MALRD1: variants seen among roughly 807,000 people sequenced by gnomAD.
MALRD1 encodes the protein MAM and LDL receptor class A domain containing 1, also known as MAM and LDL-receptor class A domain-containing protein 1.
A neutral mutation model predicts 242.1 loss-of-function variants in MALRD1; 247 were observed. That is an observed-to-expected ratio of 1.02 (90% CI 0.92 to 1.13). The LOEUF (loss-of-function observed/expected upper bound fraction) is 1.13, where lower values mean the gene tolerates loss of function less well. Ranked by LOEUF, MALRD1 falls within the 50% of genes most tolerant of loss-of-function variation. MALRD1 has a pLI of 0.00. For synonymous variants in MALRD1, 995 were observed against 866.6 expected, an observed-to-expected ratio of 1.15 and a Z score of -2.60; for missense variants, 2,989 against 2,533.1, an observed-to-expected ratio of 1.18 and a Z score of -3.86.
Position 19,091,926 on chromosome 10 carries a change from C to G in MALRD1, c.597+3741C>G, listed in dbSNP as rs1335039697. ...TGAGTGAGATTCTTAATCCTGAGTT[C>G]TAGTTTGATTGCAGTGTGGTCTGAG... On this transcript the variant is annotated intron_variant, in intron 4 of 39. Coordinates refer to ENST00000454679, the MANE Select transcript of MALRD1 (RefSeq NM_001142308.3). Among the ~76,000 whole-genome samples the G allele has an allele frequency of 2.5e-5, 2 of 80,456 alleles. 1 individual carries two copies. Among genetic ancestry groups the G allele is most frequent in the Non-Finnish European group, 4.4e-5 (2 of 45,150 alleles). 52.8% of individuals were successfully genotyped at this position (80,456 alleles called of 152,430 possible).
chr10:19,414,655 A>G (rs543313919), intron 28 of MALRD1, among the ~76,000 whole-genome samples: 1 of 152,244 alleles, frequency 6.6e-6, no homozygotes, highest in South Asian at 2.1e-4. Flanking sequence ...TTGGGAAAGG[A>G]TGTAATAGTG....
At chr10:19,531,086 T>G in intron 31 of MALRD1, 108 bp from the exon 32 acceptor site, 1 of 847,954 alleles carries the variant, frequency 1.2e-6, no homozygotes, top group Non-Finnish European at 1.7e-6. Flanking sequence ...TTCTGTTTGA[T>G]TGTGTGTATG....
intron 29 of MALRD1, among the ~76,000 whole-genome samples, chr10:19,455,286 G>A (rs1262936073): frequency 6.6e-6 from 1 of 152,060 alleles, no homozygotes; most frequent in Non-Finnish European, 1.5e-5. Flanking sequence ...TCTAAAGTTC[G>A]AAATTTAAAT....
intron 38 of MALRD1, among the ~76,000 whole-genome samples, chr10:19,705,201 G>C (rs915294424): frequency 6.6e-6 from 1 of 152,054 alleles, no homozygotes. Flanking sequence ...TGCTATCCAA[G>C]CCTGACATCC....
intron 31 of MALRD1, among the ~76,000 whole-genome samples, chr10:19,506,380 T>C (rs555727958): frequency 3.3e-5 from 5 of 152,292 alleles, no homozygotes; most frequent in African/African-American, 1.2e-4. Flanking sequence ...CATTGCTCTT[T>C]AGAGAACTGT....
chr10:19,542,198 A>G (rs1457102265), intron 32 of MALRD1, among the ~76,000 whole-genome samples: 5 of 152,194 alleles, frequency 3.3e-5, no homozygotes, highest in African/African-American at 7.2e-5. Flanking sequence ...ACCTTGAGAA[A>G]GAACCTAAAT....
chr10:19,437,802 C>T (rs920117249), intron 28 of MALRD1, among the ~76,000 whole-genome samples: 2 of 152,064 alleles, frequency 1.3e-5, no homozygotes, highest in Admixed American at 6.6e-5. Context: ...TTTGAGATAA[C>T]CTCACTTATT....
intron 5 of MALRD1, among the ~76,000 whole-genome samples, chr10:19,121,288 G>C (rs1276692968): frequency 1.3e-5 from 2 of 151,538 alleles, no homozygotes; most frequent in African/African-American, 2.4e-5. Flanking sequence ...TGATCCACCT[G>C]CTTCGGCCTC....
chr10:19,205,420 T>A (rs1253284781), intron 17 of MALRD1, among the ~76,000 whole-genome samples, 155 bp downstream of exon 17: 1 of 151,424 alleles, frequency 6.6e-6, no homozygotes, highest in South Asian at 2.1e-4. Flanking sequence ...CCATCAGTAT[T>A]TTTAAGAGGA....
intron 29 of MALRD1, among the ~76,000 whole-genome samples, chr10:19,486,462 A>C (rs909357726): frequency 6.6e-6 from 1 of 152,160 alleles, no homozygotes; most frequent in African/African-American, 2.4e-5. Flanking sequence ...TGTACTTGGA[A>C]TTTCACTAGG....
intron 21 of MALRD1, among the ~76,000 whole-genome samples, chr10:19,306,219 CATACTATATATACT>C (rs201000130): frequency 0.12 from 14,781 of 127,368 alleles, 941 homozygotes; most frequent in South Asian, 0.14. Flanking sequence ...TATACACACA[CATACTATATATACT>C]ATACTATATA....
rs534710720 is a variant in MALRD1 at position 19,153,297 on chromosome 10, C to T, written c.1559-1778C>T. 2.6e-5 allele frequency among the ~76,000 whole-genome samples: 4 copies of T among 152,224 alleles called. No individual in the cohort carries two copies. In the South Asian group the frequency reaches 8.3e-4, roughly 32 times the overall value. On this transcript the variant is annotated intron_variant, in intron 11 of 39. Coordinates refer to ENST00000454679, the MANE Select transcript of MALRD1 (RefSeq NM_001142308.3). The stretch of plus-strand genomic sequence containing the variant: ...GCTCTCTAGAGTTTTAAATTTTGTC[C>T]TATTTTCATCCATTTTATTAAAAAT...
intron 1 of MALRD1, among the ~76,000 whole-genome samples, chr10:19,050,325 G>C (rs189035606): frequency 0.016 from 2,351 of 150,750 alleles, 78 homozygotes; most frequent in African/African-American, 0.055. Context: ...CTGACCTCGT[G>C]ATCCGCCCGC....
chr10:19,207,739 T>A (rs534559573), intron 17 of MALRD1, among the ~76,000 whole-genome samples: 2 of 152,214 alleles, frequency 1.3e-5, no homozygotes, highest in Admixed American at 1.3e-4. Flanking sequence ...TGACCTCGAG[T>A]GATCTGCCCG....
intron 12 of MALRD1, among the ~76,000 whole-genome samples, chr10:19,165,263 A>ATTTT (rs1156990613): frequency 1.5e-5 from 2 of 131,232 alleles, no homozygotes; most frequent in African/African-American, 3.2e-5. Context: ...ATATATATAT[A>ATTTT]TATTTTGTTT....
rs187922595 is a variant in MALRD1 at position 19,194,099 on chromosome 10, A to C, written c.1952-9629A>C. Among the ~76,000 whole-genome samples the C allele has an allele frequency of 4.6e-4, 70 of 152,140 alleles. 1 individual carries two copies. In the South Asian group the frequency reaches 0.011, roughly 25 times the overall value. Reference sequence around the variant, plus strand: ...CACCTCATATCACCATAGTACTAACAATCTTCTCATAAATATAAGCATAGT... The same window carrying C: ...CACCTCATATCACCATAGTACTAACCATCTTCTCATAAATATAAGCATAGT... On this transcript the variant is annotated intron_variant, in intron 14 of 39. Coordinates refer to ENST00000454679, the MANE Select transcript of MALRD1 (RefSeq NM_001142308.3).
At chr10:19,295,647 C>A (rs1841659791) in intron 21 of MALRD1, among the ~76,000 whole-genome samples, 1 of 151,964 alleles carries the variant, frequency 6.6e-6, no homozygotes, top group African/African-American at 2.4e-5. Context: ...TGGCATAAAC[C>A]AGACAGAAAG....
intron 24 of MALRD1, among the ~76,000 whole-genome samples, chr10:19,341,539 CAT>C (rs1284816521): frequency 4.9e-5 from 7 of 141,982 alleles, no homozygotes; most frequent in South Asian, 2.2e-4. Flanking sequence ...TATATACACA[CAT>C]ATATATACAC....
chr10:19,257,810 C>A (rs1050280120), intron 19 of MALRD1, 39 bp downstream of exon 19: 2 of 1,321,500 alleles, frequency 1.5e-6, no homozygotes, highest in Non-Finnish European at 2.0e-6. Context: ...ATTTCTAAAT[C>A]TGTTTACTTG....
Sources: gnomAD v4.1 joint callset for allele counts (sites outside exome capture counted in the v4.1 genomes callset) on GRCh38, gnomAD v4.1.1 for gene constraint, MANE v1.5 for transcripts, NCBI Gene and HGNC (gene_info 2026-07-23, HGNC 2026-07-21) for gene names.